The following SLC20A2 variants were observed in gnomAD, a reference collection of about 807,000 sequenced individuals.
SLC20A2 encodes the protein sodium-dependent phosphate transporter 2.
Under a neutral mutation model 61.0 loss-of-function variants are expected in SLC20A2, and 30 were observed. That is an observed-to-expected ratio of 0.49 (90% CI 0.37 to 0.67). The LOEUF is 0.67. SLC20A2 is among the 30% of genes least tolerant of loss of function. The pLI is 0.00. For missense variants in SLC20A2, 626 were observed against 866.4 expected, an observed-to-expected ratio of 0.72 and a Z score of 3.48; for synonymous variants, 351 against 353.3, an observed-to-expected ratio of 0.99 and a Z score of 0.07.
At chr8:42,459,871 G>A in intron 5 of SLC20A2, 25 bp downstream of exon 5, 1 of 1,483,676 alleles carries the variant, frequency 6.7e-7, no homozygotes, top group South Asian at 1.1e-5. Context: ...TTTGCCCCTG[G>A]AGTATGCTTC....
chr8:42,437,297 C>A lies in SLC20A2; in HGVS notation c.1215G>T (p.Ala405=), dbSNP rs201993727. 5 of 1,614,156 alleles carry A rather than the reference C, an allele frequency of 3.1e-6. No individual in the cohort carries two copies. Among genetic ancestry groups the A allele is most frequent in the Non-Finnish European group, 4.2e-6 (5 of 1,180,038 alleles). ...CACTGTCCTCTGGGGCCGATGAGTC[C>A]GCAGCTCGAAAGGTGGCGTGCACTG... ...GLPVHATFRA[A]DSSAPEDSEK... is the part of the protein sequence containing the mutation. The change falls in exon 8 of 11, where the codon GCG becomes GCT. Residue 405 remains alanine (A), a synonymous_variant. Transcript: ENST00000520262. The surrounding 1 kb of genome is among the most constrained non-coding windows in gnomAD (Gnocchi z 6.4).
intron 1 of SLC20A2, among the ~76,000 whole-genome samples, chr8:42,482,779 A>G (rs972685274): frequency 6.6e-6 from 1 of 152,160 alleles, no homozygotes; most frequent in Admixed American, 6.5e-5. Flanking sequence ...TAATCCCAGC[A>G]CTTTGGGAGC....
chr8:42,487,109 C>T (rs867894369), intron 1 of SLC20A2, among the ~76,000 whole-genome samples: 2 of 151,750 alleles, frequency 1.3e-5, no homozygotes, highest in African/African-American at 4.8e-5. Context: ...AAGTGATCCA[C>T]CCACCTTGGC....
chr8:42,512,059 A>G (rs949354608), intron 1 of SLC20A2, among the ~76,000 whole-genome samples: 5 of 152,178 alleles, frequency 3.3e-5, no homozygotes, highest in African/African-American at 9.6e-5. Flanking sequence ...TGGGATAGTC[A>G]TGGTTGATTG....
intron 10 of SLC20A2, chr8:42,419,758 A>C: frequency 1.2e-6 from 1 of 820,334 alleles, no homozygotes. Context: ...GATATCATGT[A>C]AGTTGCTCTT....
At chr8:42,533,219 A>T (rs527291587) in intron 1 of SLC20A2, among the ~76,000 whole-genome samples, 1 of 152,188 alleles carries the variant, frequency 6.6e-6, no homozygotes, top group Non-Finnish European at 1.5e-5. Flanking sequence ...AGAAGAAAAA[A>T]TTGTTGATGA....
At chr8:42,460,063 T>C in intron 4 of SLC20A2, 71 bp from the exon 5 acceptor site, 1 of 832,872 alleles carries the variant, frequency 1.2e-6, no homozygotes, top group African/African-American at 1.7e-5. Context: ...ACAGACAAAA[T>C]GATACAAAAT....
intron 1 of SLC20A2, among the ~76,000 whole-genome samples, chr8:42,514,528 C>T (rs764783696): frequency 6.6e-6 from 1 of 152,090 alleles, no homozygotes; most frequent in Non-Finnish European, 1.5e-5. Flanking sequence ...GAGGCCGAGG[C>T]AGGTGGATCA....
At chr8:42,436,683 C>G (rs543542655) in intron 8 of SLC20A2, among the ~76,000 whole-genome samples, 3 of 152,228 alleles carry the variant, frequency 2.0e-5, no homozygotes, top group Non-Finnish European at 2.9e-5. Flanking sequence ...CTGCACCTGC[C>G]GTCCTGCTGA....
At position 42,472,383 on chromosome 8, in the gene SLC20A2, A is replaced by G. The variant is rs771999521; in HGVS notation, c.8T>C (p.Met3Thr). The change falls in exon 2 of 11, where the codon ATG becomes ACG. Residue 3 changes from methionine to threonine, a missense_variant. Coordinates refer to ENST00000520262, the MANE Select transcript of SLC20A2 (RefSeq NM_001257180.2). The surrounding 1 kb of genome is among the most constrained non-coding windows in gnomAD (Gnocchi z 4.1). Reference protein sequence around the residue: MAMDEYLWMVILG... With the variant: MATDEYLWMVILG... ...AATGACCATCCACAAATACTCATCCATGGCCATTTTGGAAAGTGGGTGCCG... is the reference window on the plus strand; with the variant it reads ...AATGACCATCCACAAATACTCATCCGTGGCCATTTTGGAAAGTGGGTGCCG... 9 of 1,608,550 alleles carry G rather than the reference A, an allele frequency of 5.6e-6. No homozygotes were observed. The highest frequency in any genetic ancestry group is 1.1e-5 in the South Asian group (1 of 90,586).
intron 1 of SLC20A2, among the ~76,000 whole-genome samples, chr8:42,526,150 A>G (rs1811920113): frequency 6.6e-6 from 1 of 152,206 alleles, no homozygotes; most frequent in South Asian, 2.1e-4. Flanking sequence ...CAGCAGAGTG[A>G]CTAAGGTCAA....
chr8:42,479,592 G>C (rs1040636074), intron 1 of SLC20A2, among the ~76,000 whole-genome samples: 1 of 152,096 alleles, frequency 6.6e-6, no homozygotes. Flanking sequence ...TGGGAGGCCT[G>C]AGGTGGGACC....
intron 6 of SLC20A2, among the ~76,000 whole-genome samples, chr8:42,443,275 A>G (rs1329961293): frequency 9.8e-6 from 1 of 102,456 alleles, no homozygotes; most frequent in East Asian, 2.6e-4. Context: ...ATATATATAT[A>G]TATATATATA....
intron 8 of SLC20A2, among the ~76,000 whole-genome samples, chr8:42,434,399 TA>T (rs1586013975): frequency 6.6e-6 from 1 of 151,300 alleles, no homozygotes; most frequent in East Asian, 1.9e-4. Flanking sequence ...TTAAATGGAT[TA>T]TTTTTTTTTT....
intron 8 of SLC20A2, among the ~76,000 whole-genome samples, chr8:42,433,436 G>A (rs1804015565): frequency 6.6e-6 from 1 of 152,114 alleles, no homozygotes; most frequent in Non-Finnish European, 1.5e-5. Context: ...CAATTCTCCT[G>A]CCTCAGCCTC....
upstream of SLC20A2, among the ~76,000 whole-genome samples, chr8:42,504,590 TC>T (rs34600989): frequency 3.5e-3 from 538 of 152,086 alleles, 1 homozygote; most frequent in Non-Finnish European, 5.4e-3. Flanking sequence ...ACGCCTGTAA[TC>T]CCAGCACTGT....
chr8:42,518,530 G>A (rs933012236), intron 1 of SLC20A2, among the ~76,000 whole-genome samples: 59 of 152,302 alleles, frequency 3.9e-4, no homozygotes, highest in African/African-American at 1.3e-3. Flanking sequence ...CATTATACAT[G>A]CTTTGGAGTA....
At chr8:42,504,713 C>T (rs147279889), upstream of SLC20A2, among the ~76,000 whole-genome samples, 15 of 151,350 alleles carry the variant, frequency 9.9e-5, no homozygotes, top group African/African-American at 2.7e-4. Flanking sequence ...GGCATGGTGG[C>T]GCACGCCTGT....
At chr8:42,491,163 G>A (rs540874887) in intron 1 of SLC20A2, among the ~76,000 whole-genome samples, 2 of 152,312 alleles carry the variant, frequency 1.3e-5, no homozygotes, top group Admixed American at 6.5e-5. Context: ...ACTTTGGGAG[G>A]CCGAGGCAGG....
Sources: allele counts gnomAD v4.1 joint callset (sites outside exome capture counted in the v4.1 genomes callset), GRCh38; gene constraint gnomAD v4.1.1; non-coding constraint Gnocchi (gnomAD v3.1); transcripts MANE v1.5; gene names NCBI Gene and HGNC (gene_info 2026-07-23, HGNC 2026-07-21).